The following CFH variants were observed in gnomAD, a reference collection of about 807,000 sequenced individuals.
The protein encoded by CFH is complement factor H.
CFH carries 53 observed loss-of-function variants against 147.3 expected under a neutral mutation model. The observed-to-expected ratio is 0.36, with a 90% confidence interval of 0.29 to 0.45. The LOEUF (loss-of-function observed/expected upper bound fraction) is 0.45, where lower values mean the gene tolerates loss of function less well. CFH is among the 20% of genes least tolerant of loss of function. The pLI, the probability that CFH is intolerant of heterozygous loss-of-function variation, is 1.00. For synonymous variants in CFH, 536 were observed against 489.4 expected, an observed-to-expected ratio of 1.10 and a Z score of -1.26; for missense variants, 1,380 against 1,498.0, an observed-to-expected ratio of 0.92 and a Z score of 1.30.
At chr1:196,657,176 T>C (rs1183723261) in intron 1 of CFH, among the ~76,000 whole-genome samples, 1 of 152,148 alleles carries the variant, frequency 6.6e-6, no homozygotes, top group East Asian at 1.9e-4. Flanking sequence ...GCCTATTAAG[T>C]GTGACATAAT....
intron 14 of CFH, 113 bp downstream of exon 14, chr1:196,727,053 C>A: frequency 1.1e-6 from 1 of 912,446 alleles, no homozygotes; most frequent in Non-Finnish European, 1.8e-6. Flanking sequence ...CATTTCCAGT[C>A]TTCAATATGA....
Position 196,737,672 on chromosome 1 carries a change from A to G in CFH, c.2782+12A>G, listed in dbSNP as rs1283293930. 2 of 1,607,946 alleles carry G rather than the reference A, an allele frequency of 1.2e-6. No homozygotes were observed. Among genetic ancestry groups the G allele is most frequent in the South Asian group, 1.1e-5 (1 of 90,874 alleles). ...ACCTCAGTGTGAAGGTTAGGCCAATATGAATACTCAATTTCTGTTTATAGT... is the reference window on the plus strand; with the variant it reads ...ACCTCAGTGTGAAGGTTAGGCCAATGTGAATACTCAATTTCTGTTTATAGT... On this transcript the variant is annotated intron_variant, in intron 17 of 21. Transcript: ENST00000367429.
At chr1:196,671,783 TTA>T (rs1667290611) in intron 1 of CFH, among the ~76,000 whole-genome samples, 1 of 149,758 alleles carries the variant, frequency 6.7e-6, no homozygotes, top group Non-Finnish European at 1.5e-5. Context: ...TAAAAGCCAT[TTA>T]TATATATGTT....
At chr1:196,667,687 A>G (rs945191243) in intron 1 of CFH, among the ~76,000 whole-genome samples, 4 of 152,098 alleles carry the variant, frequency 2.6e-5, no homozygotes, top group Non-Finnish European at 4.4e-5. Context: ...ATTTAATGTA[A>G]TTACTGATAC....
chr1:196,691,245 T>A (rs1013964514), intron 9 of CFH, among the ~76,000 whole-genome samples: 1 of 151,998 alleles, frequency 6.6e-6, no homozygotes, highest in African/African-American at 2.4e-5. Flanking sequence ...TGATACCCAA[T>A]AATTCATATA....
chr1:196,741,640 G>T, intron 18 of CFH: 1 of 498,106 alleles, frequency 2.0e-6, no homozygotes. Flanking sequence ...CAATTGCTAC[G>T]GCTACCAATA....
At chr1:196,715,156 A>G (rs1167591181) in intron 10 of CFH, among the ~76,000 whole-genome samples, 1 of 151,894 alleles carries the variant, frequency 6.6e-6, no homozygotes, top group East Asian at 1.9e-4. Context: ...TTAAAGAGAA[A>G]ATGTCTTGTA....
At chr1:196,678,342 T>A (rs1296262359) in intron 5 of CFH, 1 of 152,132 alleles carries the variant, frequency 6.6e-6, no homozygotes, top group Non-Finnish European at 1.5e-5. Flanking sequence ...ATCAAAGATT[T>A]TGGCTTCTGT....
rs940476287 is a variant in CFH at position 196,700,871 on chromosome 1, C to T, written c.1336+10632C>T. 1.4e-5 allele frequency: 14 copies of T among 985,066 alleles called. No homozygotes were observed. In the African/African-American group the frequency reaches 2.1e-4, roughly 15 times the overall value. The allele number at this position is 985,066 out of a possible 1,614,324, so 61.0% of individuals were successfully genotyped here. A position where few individuals can be genotyped will look rare whatever the true frequency, so the allele number is the denominator to read the frequency against. On this transcript the variant is annotated intron_variant, in intron 9 of 21. Transcript: ENST00000367429. Reference sequence around the variant, plus strand: ...CACAACCTTGTCTGCAGCAGAGAAACCATTTCTGGTCTCAGAAGAAGTCTC... The same window carrying T: ...CACAACCTTGTCTGCAGCAGAGAAATCATTTCTGGTCTCAGAAGAAGTCTC...
intron 21 of CFH, 119 bp downstream of exon 21, chr1:196,746,118 C>G: frequency 6.4e-7 from 1 of 1,555,306 alleles, no homozygotes. Context: ...GCTTGCCTAC[C>G]AAATATTTCT....
rs534617468 is a variant in CFH at position 196,745,796 on chromosome 1, T to A, written c.3311-21T>A. The A allele has an allele frequency of 8.1e-6, 13 of 1,613,968 alleles. No individual in the cohort carries two copies. The South Asian group carries it at 1.2e-4, about 15-fold the overall frequency. On this transcript the variant is annotated intron_variant, in intron 20 of 21. Transcript: ENST00000367429. ...TGATTTGCTCTCACAACAAATCAAG[T>A]GATGAAATGATGTTTTTTAGATTCT...
chr1:196,710,502 CTG>C (rs1668700555), intron 9 of CFH, among the ~76,000 whole-genome samples: 1 of 152,140 alleles, frequency 6.6e-6, no homozygotes, highest in Non-Finnish European at 1.5e-5. Context: ...CCTTTACTCA[CTG>C]TAGCTTTTTT....
At chr1:196,735,502 C>A (rs10922109) in intron 15 of CFH, among the ~76,000 whole-genome samples, 69,865 of 151,762 alleles carry the variant, frequency 0.46, 16,390 homozygotes, top group South Asian at 0.56. Flanking sequence ...TTACTATCAG[C>A]AAATACTTTA....
intron 9 of CFH, among the ~76,000 whole-genome samples, chr1:196,691,303 C>T (rs1160069470): frequency 1.3e-5 from 2 of 152,026 alleles, no homozygotes; most frequent in Admixed American, 6.6e-5. Context: ...TTGACTTTCT[C>T]TAGTATATGT....
chr1:196,654,022 C>T (rs1666593364), intron 1 of CFH, among the ~76,000 whole-genome samples: 1 of 152,056 alleles, frequency 6.6e-6, no homozygotes, highest in East Asian at 1.9e-4. Flanking sequence ...TGAAACTAAA[C>T]TAGTTCGAGA....
intron 11 of CFH, among the ~76,000 whole-genome samples, chr1:196,717,449 GTTA>G (rs1273299282): frequency 6.6e-6 from 1 of 151,960 alleles, no homozygotes; most frequent in African/African-American, 2.4e-5. Context: ...TTCTAATTTA[GTTA>G]TTATATTCTG....
chr1:196,684,762 A>C lies in CFH; in HGVS notation c.791-302A>C, dbSNP rs1667767905. The stretch of plus-strand genomic sequence containing the variant: ...GAAACCAAAGAATAGAAGGAAAGTG[A>C]AAGTAAGAATTGAAGTTATATGTGA... On this transcript the variant is annotated intron_variant, in intron 6 of 21. Coordinates refer to ENST00000367429, the MANE Select transcript of CFH (RefSeq NM_000186.4). Among the ~76,000 whole-genome samples the C allele has an allele frequency of 2.0e-5, 3 of 152,164 alleles. No individual in the cohort carries two copies. The South Asian group carries it at 6.2e-4, about 32-fold the overall frequency.
chr1:196,692,255 T>C (rs1414155172), intron 9 of CFH: 1 of 173,720 alleles, frequency 5.8e-6, no homozygotes, highest in Non-Finnish European at 1.1e-5. Context: ...TTAATAAGTA[T>C]GGATATGACT....
intron 10 of CFH, among the ~76,000 whole-genome samples, chr1:196,714,660 TATATATATAGAGAGAGAGAGAGAG>T (rs1467451958): frequency 1.4e-4 from 6 of 43,520 alleles, no homozygotes; most frequent in East Asian, 7.2e-4. Flanking sequence ...TATATATATA[TATATATATAGAGAGAGAGAGAGAG>T]AGAGAGAGAG....
Sources: allele counts gnomAD v4.1 joint callset (sites outside exome capture counted in the v4.1 genomes callset), GRCh38; gene constraint gnomAD v4.1.1; transcripts MANE v1.5; gene names NCBI Gene and HGNC (gene_info 2026-07-23, HGNC 2026-07-21).